The following ZC3H11A variants were observed in gnomAD, a reference collection of about 807,000 sequenced individuals.
ZC3H11A encodes the protein zinc finger CCCH-type containing 11A, also known as zinc finger CCCH domain-containing protein 11A.
Under a neutral mutation model 90.8 loss-of-function variants are expected in ZC3H11A, and 22 were observed. The ratio of observed to expected loss-of-function variants is 0.24; its 90% CI spans 0.17 to 0.35. The LOEUF is 0.35. ZC3H11A is among the 10% of genes least tolerant of loss of function. ZC3H11A has a pLI of 1.00. For missense variants in ZC3H11A, 701 were observed against 964.9 expected (o/e 0.73, Z 3.62); for synonymous variants, 294 against 339.8 (o/e 0.87, Z 1.48).
chr1:203,804,825 A>G (rs1001337045), intron 2 of ZC3H11A, among the ~76,000 whole-genome samples: 1 of 151,820 alleles, frequency 6.6e-6, no homozygotes, highest in Non-Finnish European at 1.5e-5. Context: ...GGCGCATGCC[A>G]CCATGCCCGG....
intron 4 of ZC3H11A, among the ~76,000 whole-genome samples, chr1:203,821,756 G>T (rs1276207096): frequency 6.6e-6 from 1 of 151,562 alleles, no homozygotes; most frequent in African/African-American, 2.4e-5. Flanking sequence ...TATGGTTTTT[G>T]GTTTTGTTTT....
At chr1:203,806,049 C>T in intron 2 of ZC3H11A, 1 of 527,092 alleles carries the variant, frequency 1.9e-6, no homozygotes, top group Non-Finnish European at 3.7e-6. Context: ...GCTGCTCATA[C>T]ATCCGCTTTT....
intron 1 of ZC3H11A, chr1:203,798,281 T>C (rs1315148672): frequency 2.0e-5 from 30 of 1,536,108 alleles, no homozygotes; most frequent in Non-Finnish European, 2.6e-5. Context: ...AAAGTAACAT[T>C]GTCAAGCATG....
At chr1:203,828,901 C>T (rs1289929887) in intron 5 of ZC3H11A, among the ~76,000 whole-genome samples, 2 of 152,142 alleles carry the variant, frequency 1.3e-5, no homozygotes, top group Admixed American at 6.5e-5. Context: ...ATTTGCCAAC[C>T]CTACTCTAGA....
chr1:203,797,474 A>G, intron 1 of ZC3H11A: 4 of 1,440,508 alleles, frequency 2.8e-6, no homozygotes, highest in South Asian at 1.5e-5. Context: ...CTGCTTGAGT[A>G]ATAAACCCAC....
chr1:203,823,337 C>T (rs1679399852), intron 4 of ZC3H11A, among the ~76,000 whole-genome samples: 1 of 152,158 alleles, frequency 6.6e-6, no homozygotes, highest in African/African-American at 2.4e-5. Context: ...CACTCTTTTC[C>T]TAGTCATGAA....
intron 3 of ZC3H11A, among the ~76,000 whole-genome samples, chr1:203,817,993 C>T (rs764367487): frequency 1.4e-4 from 21 of 152,046 alleles, no homozygotes; most frequent in African/African-American, 2.6e-4. Context: ...GTGATCTGCC[C>T]GCCTCGGCCT....
intron 2 of ZC3H11A, chr1:203,805,890 A>T: frequency 1.4e-6 from 1 of 733,976 alleles, no homozygotes; most frequent in Non-Finnish European, 2.5e-6. Context: ...GTAAATTCTC[A>T]ATCTGGTCAG....
In ZC3H11A at chr1:203,848,425, G is replaced by A. The variant is rs1460992425; in HGVS notation, c.1623+18G>A. 6.3e-7 allele frequency: 1 copy of A among 1,589,062 alleles called. No individual in the cohort carries two copies. Among genetic ancestry groups the A allele is most frequent in the Non-Finnish European group, 8.6e-7 (1 of 1,164,840 alleles). On this transcript the variant is annotated intron_variant, in intron 14 of 17. Transcript: ENST00000367210. ...CTAAAGAGGTAAATTTAAGATTATT[G>A]TATGGTTTTGTTCATGGCAAACAAA...
At position 203,819,089 on chromosome 1, in the gene ZC3H11A, T is replaced by TACACACAC. The variant is rs200302232; in HGVS notation, c.174+423_174+430dup. Among the ~76,000 whole-genome samples, 411 of 140,992 alleles carry TACACACAC rather than the reference T, an allele frequency of 2.9e-3. 2 individuals carry two copies. Among genetic ancestry groups the TACACACAC allele is most frequent in the Middle Eastern group, 7.1e-3 (2 of 280 alleles). 92.5% of individuals were successfully genotyped at this position (140,992 alleles called of 152,430 possible). A position where few individuals can be genotyped will look rare whatever the true frequency, so the allele number is the denominator to read the frequency against. On this transcript the variant is annotated intron_variant, in intron 4 of 17. Transcript: ENST00000367210. ...TCTCAAAAAAAAAAATATATATATA[T>TACACACAC]ACACACACACACACACACACACACA...
At chr1:203,841,759 C>G (rs1397846646) in intron 12 of ZC3H11A, among the ~76,000 whole-genome samples, 2 of 150,474 alleles carry the variant, frequency 1.3e-5, no homozygotes, top group Non-Finnish European at 3.0e-5. Context: ...ACCTCCCAGA[C>G]GGGGCAGTGG....
At chr1:203,843,163 G>A (rs578094265) in intron 12 of ZC3H11A, among the ~76,000 whole-genome samples, 1 of 152,144 alleles carries the variant, frequency 6.6e-6, no homozygotes, top group South Asian at 2.1e-4. Context: ...TCTCTCCCTA[G>A]TATGCTGCAG....
chr1:203,805,966 G>A, intron 2 of ZC3H11A: 1 of 608,422 alleles, frequency 1.6e-6, no homozygotes. Context: ...CGTGGTCTTG[G>A]TATCCTTCAA....
At chr1:203,808,970 A>G (rs1029996130) in intron 2 of ZC3H11A, among the ~76,000 whole-genome samples, 3 of 151,892 alleles carry the variant, frequency 2.0e-5, no homozygotes, top group Non-Finnish European at 2.9e-5. Flanking sequence ...AGCTGGGATT[A>G]CAGGCATTCG....
chr1:203,814,259 C>G (rs557018949), intron 2 of ZC3H11A, among the ~76,000 whole-genome samples: 5 of 152,194 alleles, frequency 3.3e-5, no homozygotes, highest in African/African-American at 1.2e-4. Flanking sequence ...GGCGCTGGCT[C>G]ACACCTGTAA....
At chr1:203,799,232 A>G (rs1469130433) in intron 1 of ZC3H11A, 2 of 869,268 alleles carry the variant, frequency 2.3e-6, no homozygotes, top group Non-Finnish European at 3.7e-6. Flanking sequence ...CTAATGTGGT[A>G]CATGCAATCA....
chr1:203,831,056 T>C (rs1012433966), intron 8 of ZC3H11A, among the ~76,000 whole-genome samples: 3 of 147,532 alleles, frequency 2.0e-5, no homozygotes, highest in Non-Finnish European at 4.5e-5. Context: ...GCTATTCTGC[T>C]GCCTCAGCCT....
chr1:203,830,255 C>A, intron 8 of ZC3H11A, 52 bp downstream of exon 8: 1 of 1,404,640 alleles, frequency 7.1e-7, no homozygotes, highest in Non-Finnish European at 9.8e-7. Context: ...GGGAAGAATA[C>A]TAAGGACGCT....
rs150416242 is a variant in ZC3H11A at position 203,802,714 on chromosome 1, C to CTTTTTTTTTTTTTTTTTT, written c.-439_-438insTTTTTTTTTTTTTTTTTT. On this transcript the variant is annotated 5_prime_UTR_variant, in exon 2 of 18. Coordinates refer to ENST00000367210, the MANE Select transcript of ZC3H11A (RefSeq NM_001376342.1). ...TCTCAAGTTCATCTTTAAATGAACT[C>CTTTTTTTTTTTTTTTTTT]TTTTTTTTTGTTTTTTTTTTGTTTT... 3 of 131,658 alleles carry CTTTTTTTTTTTTTTTTTT rather than the reference C, an allele frequency of 2.3e-5. No homozygotes were observed. The highest frequency in any genetic ancestry group is 8.2e-5 in the African/African-American group (3 of 36,470). The allele number at this position is 131,658 out of a possible 1,614,324, so 8.2% of individuals were successfully genotyped here.
Sources: gnomAD v4.1 joint callset for allele counts (sites outside exome capture counted in the v4.1 genomes callset) on GRCh38, gnomAD v4.1.1 for gene constraint, MANE v1.5 for transcripts, NCBI Gene and HGNC (gene_info 2026-07-23, HGNC 2026-07-21) for gene names.